The following ARHGAP17 variants were observed in gnomAD, a reference collection of about 807,000 sequenced individuals.
ARHGAP17 encodes the protein Rho GTPase activating protein 17, also known as rho GTPase-activating protein 17.
ARHGAP17 carries 57 observed loss-of-function variants against 99.5 expected under a neutral mutation model. The observed-to-expected ratio is 0.57, with a 90% confidence interval of 0.46 to 0.71. ARHGAP17 has a LOEUF of 0.71. ARHGAP17 is among the 30% of genes least tolerant of loss of function. The pLI, the probability that ARHGAP17 is intolerant of heterozygous loss-of-function variation, is 0.00. For synonymous variants in ARHGAP17, 417 were observed against 429.6 expected, an observed-to-expected ratio of 0.97 and a Z score of 0.36; for missense variants, 1,000 against 1,122.4, an observed-to-expected ratio of 0.89 and a Z score of 1.56.
intron 19 of ARHGAP17, among the ~76,000 whole-genome samples, chr16:24,928,599 C>G (rs1490232122): frequency 6.6e-6 from 1 of 152,146 alleles, no homozygotes; most frequent in African/African-American, 2.4e-5. Context: ...CGCACCCGGG[C>G]CTCCTCCCTG....
At chr16:24,944,455 T>C (rs2051408457) in intron 14 of ARHGAP17, among the ~76,000 whole-genome samples, 1 of 152,096 alleles carries the variant, frequency 6.6e-6, no homozygotes, top group African/African-American at 2.4e-5. Context: ...TGTCAAATGC[T>C]GGTTTTAAAC....
At chr16:24,925,234 C>G (rs567501513) in intron 19 of ARHGAP17, among the ~76,000 whole-genome samples, 35 of 152,250 alleles carry the variant, frequency 2.3e-4, no homozygotes, top group Middle Eastern at 3.4e-3. Context: ...CAAAAATCAG[C>G]CAGGTGTTGC....
In ARHGAP17 at chr16:24,931,160, G is replaced by A. The variant is rs2050977907; in HGVS notation, c.2139C>T (p.His713=). ...CCTGCGTAGGGGGCTGCGGCGGTGG[G>A]TGATTGGGAGCTTGGATTGGAGACA... The part of the protein sequence containing the change: ...SSLSPIQAPN[H]PPPQPPTQAT... The change falls in exon 19 of 20, where the codon CAC becomes CAT. Residue 713 remains histidine (H), a synonymous_variant. Coordinates refer to ENST00000289968, the MANE Select transcript of ARHGAP17 (RefSeq NM_001006634.3). 6.3e-7 allele frequency: 1 copy of A among 1,598,334 alleles called. No individual in the cohort carries two copies. The highest frequency in any genetic ancestry group is 1.1e-5 in the South Asian group (1 of 88,096).
intron 6 of ARHGAP17, among the ~76,000 whole-genome samples, chr16:24,967,323 A>G (rs2052217067): frequency 6.6e-6 from 1 of 152,246 alleles, no homozygotes; most frequent in South Asian, 2.1e-4. Context: ...TTTATGCTAC[A>G]ACAGCAGAGT....
At chr16:25,002,095 G>A (rs1003650978) in intron 1 of ARHGAP17, among the ~76,000 whole-genome samples, 4 of 150,906 alleles carry the variant, frequency 2.7e-5, no homozygotes, top group East Asian at 1.9e-4. Context: ...AAAAAAAAAT[G>A]TTGATGCAAA....
intron 1 of ARHGAP17, among the ~76,000 whole-genome samples, chr16:24,987,165 T>C (rs1597459801): frequency 6.6e-6 from 1 of 152,346 alleles, no homozygotes; most frequent in Non-Finnish European, 1.5e-5. Flanking sequence ...AGCTTGCCAC[T>C]GCAGCACAAA....
intron 3 of ARHGAP17, among the ~76,000 whole-genome samples, chr16:24,973,943 G>C (rs748934373): frequency 6.6e-6 from 1 of 152,236 alleles, no homozygotes; most frequent in Admixed American, 6.5e-5. Flanking sequence ...GGCTGGCACA[G>C]GGTGTGAACG....
At chr16:24,982,302 G>A (rs1403799042) in intron 1 of ARHGAP17, among the ~76,000 whole-genome samples, 1 of 151,998 alleles carries the variant, frequency 6.6e-6, no homozygotes, top group Admixed American at 6.6e-5. Flanking sequence ...TACCTGGGAG[G>A]TTGAGGCACG....
intron 1 of ARHGAP17, among the ~76,000 whole-genome samples, chr16:25,008,207 G>C (rs1220811873): frequency 6.6e-6 from 1 of 151,946 alleles, no homozygotes; most frequent in Non-Finnish European, 1.5e-5. Flanking sequence ...ATCTTTTTTT[G>C]TAACTTATTT....
chr16:24,977,618 G>A (rs941164499), intron 2 of ARHGAP17, among the ~76,000 whole-genome samples: 2 of 152,086 alleles, frequency 1.3e-5, no homozygotes, highest in Non-Finnish European at 2.9e-5. Flanking sequence ...TCCACACAAT[G>A]TACATCAGAC....
At position 24,920,235 on chromosome 16, in the gene ARHGAP17, C is replaced by T. The variant is rs755363627; in HGVS notation, c.2541G>A (p.Pro847=). 1.7e-5 allele frequency: 28 copies of T among 1,614,014 alleles called. No individual in the cohort carries two copies. The highest frequency in any genetic ancestry group is 6.7e-5 in the East Asian group (3 of 44,876). Residue 847 remains proline (P), a synonymous_variant, in exon 20 of 20, where the codon CCG becomes CCA. Transcript: ENST00000289968. ...GCATTTCAGGAAAGATGCTGCGATG[C>T]GGTTCTGAAACCCTGGAATTGGAGT... is the stretch of plus-strand genomic sequence containing the variant. The part of the protein sequence containing the change: ...VTDSNSRVSE[P]HRSIFPEMHS...
At chr16:24,946,411 T>TAACTCATCAA (rs760648623) in intron 14 of ARHGAP17, among the ~76,000 whole-genome samples, 65 of 151,676 alleles carry the variant, frequency 4.3e-4, no homozygotes, top group Non-Finnish European at 8.2e-4. Flanking sequence ...ACGAAACTGT[T>TAACTCATCAA]AACTCATCAA....
At chr16:24,994,891 A>G (rs1466964359) in intron 1 of ARHGAP17, among the ~76,000 whole-genome samples, 6 of 152,188 alleles carry the variant, frequency 3.9e-5, no homozygotes, top group African/African-American at 1.4e-4. Flanking sequence ...CTGTTCTCAC[A>G]TTGCTAATAA....
intron 6 of ARHGAP17, among the ~76,000 whole-genome samples, chr16:24,968,009 C>T (rs1163300399): frequency 6.6e-6 from 1 of 152,186 alleles, no homozygotes; most frequent in Non-Finnish European, 1.5e-5. Flanking sequence ...TGTGACATGG[C>T]AGGACCCTCA....
intron 19 of ARHGAP17, among the ~76,000 whole-genome samples, chr16:24,923,718 TC>T (rs1342471597): frequency 5.8e-5 from 5 of 86,344 alleles, no homozygotes; most frequent in African/African-American, 2.9e-4. Flanking sequence ...ACCCTGTCTC[TC>T]TTTTTTTTAA....
At chr16:25,005,080 T>A (rs1427424126) in intron 1 of ARHGAP17, among the ~76,000 whole-genome samples, 1 of 152,228 alleles carries the variant, frequency 6.6e-6, no homozygotes, top group African/African-American at 2.4e-5. Context: ...CATGCCCAGC[T>A]AATTTTCGTA....
intron 17 of ARHGAP17, chr16:24,936,351 A>C (rs2051138360): frequency 6.5e-6 from 1 of 154,794 alleles, no homozygotes; most frequent in Non-Finnish European, 1.4e-5. Context: ...TGTCAAGGTC[A>C]CCAAAGAGTG....
chr16:24,936,106 T>C (rs1470822618), intron 17 of ARHGAP17: 7 of 251,116 alleles, frequency 2.8e-5, no homozygotes, highest in Non-Finnish European at 5.5e-5. Context: ...TACCATGAAA[T>C]GGCTTTTACA....
chr16:25,011,671 C>G (rs1450549458), intron 1 of ARHGAP17, among the ~76,000 whole-genome samples: 1 of 149,818 alleles, frequency 6.7e-6, no homozygotes, highest in Non-Finnish European at 1.5e-5. Context: ...TACACTCCAA[C>G]CTGGGTGACA....
Sources: allele counts gnomAD v4.1 joint callset (sites outside exome capture counted in the v4.1 genomes callset), GRCh38; gene constraint gnomAD v4.1.1; transcripts MANE v1.5; gene names NCBI Gene and HGNC (gene_info 2026-07-23, HGNC 2026-07-21).